Variants in GDI2 observed in about 807,000 individuals in gnomAD.
The protein encoded by GDI2 is rab GDP dissociation inhibitor beta.
In GDI2, 22 loss-of-function variants were observed where a neutral mutation model predicts 54.2. The observed-to-expected ratio is 0.41, with a 90% CI of 0.29 to 0.58. GDI2 has a LOEUF of 0.58. Ranked by LOEUF, GDI2 falls within the 20% of genes least tolerant of loss-of-function variation. GDI2 has a pLI of 0.35. For missense variants in GDI2, 422 were observed against 546.0 expected (o/e 0.77, Z 2.26); for synonymous variants, 177 against 182.1 (o/e 0.97, Z 0.23).
intron 4 of GDI2, among the ~76,000 whole-genome samples, chr10:5,793,612 C>G (rs182365113): frequency 6.6e-6 from 1 of 152,228 alleles, no homozygotes; most frequent in East Asian, 1.9e-4. Flanking sequence ...GATGAGAAAA[C>G]TTTTCAGCGC....
chr10:5,801,338 A>C (rs1258355232), intron 1 of GDI2, among the ~76,000 whole-genome samples: 1 of 152,164 alleles, frequency 6.6e-6, no homozygotes. Context: ...TCTAAACTAT[A>C]CTAGTCATCA....
At chr10:5,771,122 C>T (rs961136153) in intron 7 of GDI2, among the ~76,000 whole-genome samples, 2 of 151,766 alleles carry the variant, frequency 1.3e-5, no homozygotes, top group Non-Finnish European at 2.9e-5. Context: ...TCTTCATAAT[C>T]TAATGAATAT....
At chr10:5,777,328 C>CAT (rs1840647345) in intron 6 of GDI2, among the ~76,000 whole-genome samples, 1 of 152,090 alleles carries the variant, frequency 6.6e-6, no homozygotes, top group Non-Finnish European at 1.5e-5. Context: ...CAAAAATTAG[C>CAT]CGGGCATGAT....
At chr10:5,780,647 A>C (rs144954670) in intron 6 of GDI2, among the ~76,000 whole-genome samples, 67 of 152,322 alleles carry the variant, frequency 4.4e-4, no homozygotes, top group African/African-American at 1.6e-3. Context: ...AAATTAAGAC[A>C]ATTTCATTAA....
intron 1 of GDI2, among the ~76,000 whole-genome samples, chr10:5,801,926 T>A (rs1455572530): frequency 6.6e-6 from 1 of 151,852 alleles, no homozygotes; most frequent in Non-Finnish European, 1.5e-5. Flanking sequence ...CAGAACTGCT[T>A]GAACCCAGGA....
intron 4 of GDI2, among the ~76,000 whole-genome samples, chr10:5,788,916 T>C (rs1199613923): frequency 6.6e-6 from 1 of 152,016 alleles, no homozygotes; most frequent in Non-Finnish European, 1.5e-5. Context: ...GCATGCACCA[T>C]CAGACCTGGC....
chr10:5,773,256 G>A (rs575414892), intron 7 of GDI2, among the ~76,000 whole-genome samples: 6 of 152,312 alleles, frequency 3.9e-5, no homozygotes, highest in African/African-American at 1.2e-4. Context: ...GTAAAGCAGT[G>A]CACTTTGAAG....
intron 4 of GDI2, among the ~76,000 whole-genome samples, chr10:5,794,038 C>T (rs1841076412): frequency 1.3e-5 from 2 of 151,296 alleles, no homozygotes; most frequent in African/African-American, 4.9e-5. Context: ...TTGGTACATG[C>T]CTATAGTCCC....
intron 4 of GDI2, among the ~76,000 whole-genome samples, chr10:5,794,188 A>AAAAATATAT: frequency 2.5e-5 from 1 of 40,340 alleles, no homozygotes; most frequent in Non-Finnish European, 4.2e-5. Flanking sequence ...AAAAAAAAAA[A>AAAAATATAT]ATATATATAT....
intron 7 of GDI2, chr10:5,769,137 TAAAG>T: frequency 1.3e-5 from 2 of 151,326 alleles, no homozygotes; most frequent in Middle Eastern, 3.4e-3. Context: ...AAAAAAACAA[TAAAG>T]AAATTTTTGC....
At chr10:5,796,027 TA>T (rs1841140449) in intron 3 of GDI2, among the ~76,000 whole-genome samples, 1 of 152,156 alleles carries the variant, frequency 6.6e-6, no homozygotes, top group Non-Finnish European at 1.5e-5. Context: ...ACCAAAAATT[TA>T]GTTTTTCAAT....
intron 1 of GDI2, among the ~76,000 whole-genome samples, chr10:5,809,616 C>A (rs894723691): frequency 2.0e-5 from 3 of 152,158 alleles, no homozygotes; most frequent in Non-Finnish European, 2.9e-5. Flanking sequence ...CATACTAATT[C>A]TTATTAGTTA....
Position 5,776,179 on chromosome 10 carries a change from G to A in GDI2, c.720-2238C>T, listed in dbSNP as rs1440625341. ...GGCTGCGGCATATCCTTCAGAAGCC[G>A]TGAAGCTGACAGTCTGAGCAGGCTC... On this transcript the variant is annotated intron_variant, in intron 6 of 10. Transcript: ENST00000380191. The surrounding 1 kb of genome is among the most constrained non-coding windows in gnomAD (Gnocchi z 5.3). 2.4e-5 allele frequency: 8 copies of A among 328,346 alleles called. No individual in the cohort carries two copies. The highest frequency in any genetic ancestry group is 1.2e-4 in the Admixed American group (3 of 24,368). 20.3% of individuals were successfully genotyped at this position (328,346 alleles called of 1,614,324 possible). A position where few individuals can be genotyped will look rare whatever the true frequency, so the allele number is the denominator to read the frequency against.
intron 4 of GDI2, among the ~76,000 whole-genome samples, chr10:5,789,448 C>G (rs1436865847): frequency 3.3e-5 from 5 of 151,834 alleles, no homozygotes; most frequent in Admixed American, 2.6e-4. Context: ...AAGGATATAT[C>G]GTCCAGGCTA....
intron 4 of GDI2, among the ~76,000 whole-genome samples, chr10:5,794,188 A>AAAAAAAAATAT (rs1448053813): frequency 2.5e-5 from 1 of 40,342 alleles, no homozygotes; most frequent in Non-Finnish European, 4.2e-5. Context: ...AAAAAAAAAA[A>AAAAAAAAATAT]ATATATATAT....
At position 5,785,184 on chromosome 10, in the gene GDI2, T is replaced by C; in HGVS notation, c.677A>G (p.Tyr226Cys). ...CAGTTCTCCAAGGCCATAGAGTGGA[T>C]AAAGGTATGGGCTTTTGCCATATCT... Reference protein sequence around the residue: ...LARYGKSPYLYPLYGLGELPQ... With the variant: ...LARYGKSPYLCPLYGLGELPQ... Residue 226 changes from tyrosine (Y) to cysteine (C), a missense_variant, in exon 6 of 11, where the codon TAT becomes TGT. Transcript: ENST00000380191. 6.2e-7 allele frequency: 1 copy of C among 1,612,480 alleles called. No homozygotes were observed. Among genetic ancestry groups the C allele is most frequent in the South Asian group, 1.1e-5 (1 of 90,924 alleles).
intron 6 of GDI2, among the ~76,000 whole-genome samples, chr10:5,781,522 G>A (rs375957110): frequency 1.3e-5 from 2 of 151,586 alleles, no homozygotes; most frequent in East Asian, 3.9e-4. Context: ...CTACTCAGGA[G>A]GCTGAGGCAG....
intron 7 of GDI2, among the ~76,000 whole-genome samples, chr10:5,770,703 C>T (rs1312113248): frequency 2.0e-5 from 3 of 152,010 alleles, no homozygotes; most frequent in African/African-American, 7.2e-5. Flanking sequence ...CAGTGGCTGA[C>T]GCCTGTAATC....
chr10:5,812,994 C>T (rs1167321604), intron 1 of GDI2, among the ~76,000 whole-genome samples: 1 of 152,192 alleles, frequency 6.6e-6, no homozygotes, highest in Admixed American at 6.5e-5. Context: ...GCCCGCATCT[C>T]CATTTCCCCG....
Sources: allele counts gnomAD v4.1 joint callset (sites outside exome capture counted in the v4.1 genomes callset), GRCh38; gene constraint gnomAD v4.1.1; non-coding constraint Gnocchi (gnomAD v3.1); transcripts MANE v1.5; gene names NCBI Gene and HGNC (gene_info 2026-07-23, HGNC 2026-07-21).